SH3TC1: variants seen among roughly 807,000 people sequenced by gnomAD.
SH3TC1 encodes the protein SH3 domain and tetratricopeptide repeat-containing protein 1.
SH3TC1 carries 135 observed loss-of-function variants against 117.3 expected under a neutral mutation model. The observed-to-expected ratio is 1.15, with a 90% CI of 1.00 to 1.33. SH3TC1 has a LOEUF of 1.33. SH3TC1 is among the 40% of genes most tolerant of loss of function. The pLI, the probability that SH3TC1 is intolerant of heterozygous loss-of-function variation, is 0.00. For synonymous variants in SH3TC1, 898 were observed against 816.9 expected (o/e 1.10, Z -1.69); for missense variants, 2,092 against 1,794.3 (o/e 1.17, Z -3.00).
intron 9 of SH3TC1, among the ~76,000 whole-genome samples, chr4:8,222,532 C>A (rs1235950455): frequency 6.6e-6 from 1 of 151,904 alleles, no homozygotes; most frequent in Non-Finnish European, 1.5e-5. Flanking sequence ...TGCCACCACG[C>A]CTGGCTAATT....
chr4:8,226,849 C>T (rs532246391), intron 11 of SH3TC1, 131 bp from the exon 12 acceptor site: 20 of 571,954 alleles, frequency 3.5e-5, no homozygotes, highest in African/African-American at 1.2e-4. Context: ...CATGGCAAGC[C>T]GGTAGGGTGG....
chr4:8,238,310 G>A (rs1437700440), intron 17 of SH3TC1, among the ~76,000 whole-genome samples: 2 of 152,194 alleles, frequency 1.3e-5, no homozygotes, highest in Non-Finnish European at 2.9e-5. Context: ...CTTGCTGGTC[G>A]GGTCTGTCTG....
rs372591042 is a variant in SH3TC1, at chr4:8,225,098, C to T, written c.1244-77C>T. 5.8e-6 allele frequency: 9 copies of T among 1,556,040 alleles called. No individual in the cohort carries two copies. The East Asian group carries it at 9.1e-5, about 16-fold the overall frequency. On this transcript the variant is annotated intron_variant, in intron 10 of 17. Coordinates refer to ENST00000245105, the MANE Select transcript of SH3TC1 (RefSeq NM_018986.5). This position sits in a 1 kb window ranked among gnomAD's most constrained non-coding sequence, Gnocchi z 5.5. ...CAGCAATGCTCTCACCCTGCAACAT[C>T]GACACTAGCTCAACCTGGCAGGGGA...
At chr4:8,239,970 T>A (rs1471064718) in intron 17 of SH3TC1, among the ~76,000 whole-genome samples, 6 of 152,244 alleles carry the variant, frequency 3.9e-5, no homozygotes, top group South Asian at 2.1e-4. Flanking sequence ...GGGCATGGGC[T>A]GCTGCATCTT....
Position 8,231,995 on chromosome 4 carries a change from G to A in SH3TC1, c.2970G>A (p.Gln990=). Residue 990 remains glutamine, a synonymous_variant, in exon 13 of 18, where the codon CAG becomes CAA. Coordinates refer to ENST00000245105, the MANE Select transcript of SH3TC1 (RefSeq NM_018986.5). ...GCCCAGGCCAGCTGCGGGCCGTCCA[G>A]CGGCTGTGCCACTTCTACAGCGCCG... is the stretch of plus-strand genomic sequence containing the variant. ...GHVESQLRAV[Q]RLCHFYSAVM... 4 of 1,612,144 alleles carry A rather than the reference G, an allele frequency of 2.5e-6. No individual in the cohort carries two copies. Among genetic ancestry groups the A allele is most frequent in the Non-Finnish European group, 2.5e-6 (3 of 1,180,008 alleles).
chr4:8,218,409 C>A, intron 8 of SH3TC1, 62 bp downstream of exon 8: 1 of 1,294,942 alleles, frequency 7.7e-7, no homozygotes, highest in Non-Finnish European at 1.1e-6. Flanking sequence ...GCAGCACCAA[C>A]ATTTTGGAAG....
rs545803451 is a variant in SH3TC1 at position 8,214,783 on chromosome 4, A to C, written c.481+203A>C. Among the ~76,000 whole-genome samples the C allele has an allele frequency of 1.2e-4, 18 of 151,978 alleles. 1 individual carries two copies. The highest frequency in any genetic ancestry group is 3.4e-4 in the African/African-American group (14 of 41,234). ...ACTGCAACCCCTGCTCCCCGGGTTC[A>C]AGCGATTCTCCTGCCTCAGCTTCCT... On this transcript the variant is annotated intron_variant, in intron 5 of 17. Transcript: ENST00000245105.
rs141751444 is a variant in SH3TC1, at chr4:8,233,430, G to A, written c.3199G>A (p.Glu1067Lys). The A allele has an allele frequency of 9.0e-5, 145 of 1,613,858 alleles. No individual in the cohort carries two copies. The highest frequency in any genetic ancestry group is 1.2e-4 in the Non-Finnish European group (142 of 1,179,936). ...LGIFIDLQKK[E>K]KEAHAWLQAG... ...GATTTTCATTGACCTCCAGAAGAAAGAGAAGGAGGCGCATGCCTGGCTGCA... is the reference window on the plus strand; with the variant it reads ...GATTTTCATTGACCTCCAGAAGAAAAAGAAGGAGGCGCATGCCTGGCTGCA... The change falls in exon 14 of 18, where the codon GAG (glutamate) becomes AAG (lysine). Residue 1067 changes from glutamate to lysine, a missense_variant. Physicochemically the swap from Glu to Lys is moderately conservative, Grantham distance 56 (BLOSUM62 1). Coordinates refer to ENST00000245105, the MANE Select transcript of SH3TC1 (RefSeq NM_018986.5).
chr4:8,228,036 G>C lies in SH3TC1; in HGVS notation c.2342G>C (p.Gly781Ala). 3 of 1,608,320 alleles carry C rather than the reference G, an allele frequency of 1.9e-6. No individual in the cohort carries two copies. In the South Asian group the frequency reaches 3.3e-5, roughly 18 times the overall value. The stretch of plus-strand genomic sequence containing the variant: ...CTGGCCTCCCTGACCCCGGGCACAG[G>C]CCAGGCGCTGCGCGGCCCCCTCTAC... Reference protein sequence around the residue: ...QALASLTPGTGQALRGPLYTS... With the variant: ...QALASLTPGTAQALRGPLYTS... The change falls in exon 12 of 18, where the codon GGC (glycine) becomes GCC (alanine). Residue 781 changes from glycine (G) to alanine (A), a missense_variant. Transcript: ENST00000245105.
intron 1 of SH3TC1, among the ~76,000 whole-genome samples, chr4:8,188,910 T>A (rs578109855): frequency 1.3e-5 from 2 of 152,340 alleles, no homozygotes; most frequent in South Asian, 2.1e-4. Flanking sequence ...GTGCAGCCAG[T>A]GCTGTAGCCA....
chr4:8,234,078 TCATC>T (rs1387444002), intron 14 of SH3TC1, among the ~76,000 whole-genome samples: 1 of 147,896 alleles, frequency 6.8e-6, no homozygotes, highest in Non-Finnish European at 1.5e-5. Flanking sequence ...ATCCATTTAT[TCATC>T]CATCATTCCA....
chr4:8,200,195 C>G (rs1437432873), intron 1 of SH3TC1, among the ~76,000 whole-genome samples: 1 of 152,196 alleles, frequency 6.6e-6, no homozygotes, highest in Non-Finnish European at 1.5e-5. Context: ...CCAGGGGCAG[C>G]CTGCATGTGG....
chr4:8,226,284 G>T (rs899842775), intron 11 of SH3TC1, among the ~76,000 whole-genome samples: 1 of 152,220 alleles, frequency 6.6e-6, no homozygotes, highest in African/African-American at 2.4e-5. Flanking sequence ...AGCAGGCTGC[G>T]TGGGCAGCCT....
intron 11 of SH3TC1, among the ~76,000 whole-genome samples, chr4:8,226,134 CAG>C (rs766098013): frequency 4.6e-5 from 7 of 152,166 alleles, no homozygotes; most frequent in Non-Finnish European, 5.9e-5. Flanking sequence ...GAGCTTGAAA[CAG>C]AGAGTCTATT....
chr4:8,190,439 C>T lies in SH3TC1; in HGVS notation c.-57+8229C>T, dbSNP rs541481774. ...AGGAAAGTTGGGGCTCTGAGGAGTT[C>T]GGGCCTATGGGATTGGAGGTCCTGG... On this transcript the variant is annotated intron_variant, in intron 1 of 16. Transcript: ENST00000508641. This position sits in a 1 kb window ranked among gnomAD's most constrained non-coding sequence, Gnocchi z 4.7. Among the ~76,000 whole-genome samples the T allele has an allele frequency of 9.9e-5, 15 of 152,242 alleles. No individual in the cohort carries two copies. The highest frequency in any genetic ancestry group is 2.2e-4 in the African/African-American group (9 of 41,556).
intron 17 of SH3TC1, among the ~76,000 whole-genome samples, chr4:8,240,164 G>A (rs1490630436): frequency 6.6e-6 from 1 of 152,184 alleles, no homozygotes; most frequent in Non-Finnish European, 1.5e-5. Context: ...GGGATGGTGA[G>A]TTTGAGCCAC....
chr4:8,224,003 T>C (rs1345239990), intron 10 of SH3TC1, among the ~76,000 whole-genome samples: 3 of 151,468 alleles, frequency 2.0e-5, no homozygotes, highest in African/African-American at 7.3e-5. Flanking sequence ...AATACGCATG[T>C]AAATACACAC....
At position 8,205,933 on chromosome 4, in the gene SH3TC1, C is replaced by T. The variant is rs1343575577; in HGVS notation, c.172+567C>T. The T allele has an allele frequency of 4.2e-6, 2 of 480,832 alleles. No homozygotes were observed. Among genetic ancestry groups the T allele is most frequent in the Non-Finnish European group, 7.4e-6 (2 of 269,556 alleles). 29.8% of individuals were successfully genotyped at this position (480,832 alleles called of 1,614,324 possible). A position where few individuals can be genotyped will look rare whatever the true frequency, so the allele number is the denominator to read the frequency against. The stretch of plus-strand genomic sequence containing the variant: ...GGGGAGAGGCAGGGGAGACCAAGGC[C>T]TGCACGGCCCCTCCCGGCAGGAGAC... On this transcript the variant is annotated intron_variant, in intron 2 of 17. Transcript: ENST00000245105. This position sits in a 1 kb window ranked among gnomAD's most constrained non-coding sequence, Gnocchi z 5.4.
intron 9 of SH3TC1, among the ~76,000 whole-genome samples, chr4:8,221,192 CA>C (rs1399314258): frequency 6.6e-6 from 1 of 152,204 alleles, no homozygotes; most frequent in African/African-American, 2.4e-5. Context: ...CACAAATTCT[CA>C]ACAGGTCACT....
Sources: allele counts gnomAD v4.1 joint callset (sites outside exome capture counted in the v4.1 genomes callset), GRCh38; gene constraint gnomAD v4.1.1; non-coding constraint Gnocchi (gnomAD v3.1); transcripts MANE v1.5; gene names NCBI Gene and HGNC (gene_info 2026-07-23, HGNC 2026-07-21).